SYT14: variants seen among roughly 807,000 people sequenced by gnomAD.
The protein encoded by SYT14 is synaptotagmin-14.
Under a neutral mutation model 74.2 loss-of-function variants are expected in SYT14, and 32 were observed. That is an observed-to-expected ratio of 0.43 (90% CI 0.33 to 0.58). SYT14 has a LOEUF of 0.58. Ranked by LOEUF, SYT14 falls within the 20% of genes least tolerant of loss-of-function variation. The pLI is 0.05. For missense variants in SYT14, 791 were observed against 981.8 expected (o/e 0.81, Z 2.60); for synonymous variants, 298 against 337.7 (o/e 0.88, Z 1.29).
chr1:210,063,319 T>G (rs1459404823), intron 5 of SYT14, among the ~76,000 whole-genome samples: 3 of 151,808 alleles, frequency 2.0e-5, no homozygotes, highest in Admixed American at 6.6e-5. Context: ...TGCTGGAAAA[T>G]CTAATTTATT....
intron 5 of SYT14, among the ~76,000 whole-genome samples, chr1:210,090,116 C>T (rs2081834611): frequency 6.6e-6 from 1 of 152,116 alleles, no homozygotes; most frequent in Non-Finnish European, 1.5e-5. Flanking sequence ...AGAGGTACTT[C>T]CCATTTTTCA....
At chr1:209,984,359 A>T (rs531275720) in intron 2 of SYT14, among the ~76,000 whole-genome samples, 2 of 152,120 alleles carry the variant, frequency 1.3e-5, no homozygotes, top group African/African-American at 4.8e-5. Flanking sequence ...TCGTTGCTCT[A>T]ATTGTCCAAC....
chr1:210,012,314 T>C (rs540461196), intron 2 of SYT14, among the ~76,000 whole-genome samples: 2 of 152,310 alleles, frequency 1.3e-5, no homozygotes, highest in African/African-American at 4.8e-5. Flanking sequence ...TGTGTTGTAA[T>C]TGTCTTCACC....
chr1:210,094,662 C>T (rs932119222), intron 6 of SYT14, 69 bp downstream of exon 5: 1 of 1,526,590 alleles, frequency 6.6e-7, no homozygotes, highest in African/African-American at 1.4e-5. Context: ...TGCTTCTCCT[C>T]TTGGTAAGAA....
chr1:210,089,240 T>C (rs1056761833), intron 5 of SYT14, among the ~76,000 whole-genome samples: 4 of 152,238 alleles, frequency 2.6e-5, no homozygotes, highest in African/African-American at 4.8e-5. Flanking sequence ...TAGTATTCCA[T>C]GGTGTATTTG....
chr1:210,163,331 G>A, exon 10 of SYT14: 1 of 453,656 alleles, frequency 2.2e-6, no homozygotes, highest in Non-Finnish European at 4.4e-6. Flanking sequence ...TCTGGCATAA[G>A]TATCAAATCC....
At chr1:209,978,165 T>C (rs1055433772) in intron 2 of SYT14, among the ~76,000 whole-genome samples, 1 of 151,966 alleles carries the variant, frequency 6.6e-6, no homozygotes, top group Non-Finnish European at 1.5e-5. Flanking sequence ...CTCCTTTAGC[T>C]CGGAGTAGTT....
At chr1:210,101,138 T>C (rs1237074422) in intron 7 of SYT14, among the ~76,000 whole-genome samples, 1 of 152,130 alleles carries the variant, frequency 6.6e-6, no homozygotes, top group Non-Finnish European at 1.5e-5. Flanking sequence ...CACAAGGCAT[T>C]GCAAATCACA....
intron 7 of SYT14, among the ~76,000 whole-genome samples, chr1:210,141,739 A>G (rs558696262): frequency 1.3e-5 from 2 of 152,334 alleles, no homozygotes; most frequent in African/African-American, 2.4e-5. Context: ...CATGCTTTCA[A>G]TGCTCCAAGA....
At chr1:210,049,892 T>C (rs1045775934) in intron 5 of SYT14, among the ~76,000 whole-genome samples, 2 of 152,200 alleles carry the variant, frequency 1.3e-5, no homozygotes, top group African/African-American at 4.8e-5. Flanking sequence ...ACCCTGGGCC[T>C]GGCCCACAAA....
At chr1:209,984,873 G>A (rs1415386918) in intron 2 of SYT14, among the ~76,000 whole-genome samples, 1 of 152,094 alleles carries the variant, frequency 6.6e-6, no homozygotes, top group East Asian at 1.9e-4. Context: ...AGAGTCAGTG[G>A]GGAGGTGCCA....
chr1:209,971,953 A>G (rs12034991), intron 2 of SYT14, among the ~76,000 whole-genome samples: 37,765 of 152,094 alleles, frequency 0.25, 5,923 homozygotes, highest in South Asian at 0.36. Flanking sequence ...TACATTCAGT[A>G]CGATTGGCAC....
At chr1:209,998,620 C>T (rs1285891367) in intron 2 of SYT14, among the ~76,000 whole-genome samples, 1 of 152,024 alleles carries the variant, frequency 6.6e-6, no homozygotes, top group East Asian at 1.9e-4. Flanking sequence ...TGGAATAGAA[C>T]AAAGAACCCA....
intron 5 of SYT14, among the ~76,000 whole-genome samples, chr1:210,086,563 G>A (rs1233983575): frequency 6.6e-6 from 1 of 152,122 alleles, no homozygotes; most frequent in Non-Finnish European, 1.5e-5. Flanking sequence ...GGCTCATCAT[G>A]TACTTTACCT....
chr1:210,016,397 T>C, exon 4 of SYT14: 1 of 1,232,080 alleles, frequency 8.1e-7, no homozygotes, highest in Non-Finnish European at 1.0e-6. Flanking sequence ...TCTATCAGAA[T>C]ATCAAGACAC....
At position 209,977,735 on chromosome 1, in the gene SYT14, G is replaced by A. The variant is rs529981918; in HGVS notation, c.-486+24979G>A. Among the ~76,000 whole-genome samples, 62 of 152,200 alleles carry A rather than the reference G, an allele frequency of 4.1e-4. 1 individual carries two copies. In the South Asian group the frequency reaches 0.012, roughly 31 times the overall value. On this transcript the variant is annotated intron_variant, in intron 2 of 9. Coordinates refer to ENST00000637265, the Ensembl canonical transcript of SYT14. ...CTTTGTGGCATTCTCTGTATTTCCC[G>A]AATTTGAATGTTGGCCTGCCTTGCT...
At chr1:210,135,660 A>C (rs1349611951) in intron 7 of SYT14, among the ~76,000 whole-genome samples, 2 of 152,022 alleles carry the variant, frequency 1.3e-5, no homozygotes, top group African/African-American at 4.8e-5. Flanking sequence ...AATGGATCCC[A>C]GATATTGTGG....
intron 2 of SYT14, among the ~76,000 whole-genome samples, chr1:209,955,273 A>C (rs1366251306): frequency 6.6e-6 from 1 of 152,172 alleles, no homozygotes; most frequent in East Asian, 1.9e-4. Context: ...TGTTACAATA[A>C]CAACTTGACA....
chr1:210,008,286 G>A (rs1370693291), intron 2 of SYT14, among the ~76,000 whole-genome samples: 1 of 152,162 alleles, frequency 6.6e-6, no homozygotes, highest in Admixed American at 6.5e-5. Flanking sequence ...TGAAATTTGA[G>A]TTATTGACTG....
Sources: allele counts gnomAD v4.1 joint callset (sites outside exome capture counted in the v4.1 genomes callset), GRCh38; gene constraint gnomAD v4.1.1; transcripts MANE v1.5; gene names NCBI Gene and HGNC (gene_info 2026-07-23, HGNC 2026-07-21).